IGF2BP1: variants seen among roughly 807,000 people sequenced by gnomAD.
IGF2BP1 encodes the protein insulin like growth factor 2 mRNA binding protein 1, also known as insulin-like growth factor 2 mRNA-binding protein 1.
In IGF2BP1, 11 loss-of-function variants were observed where a neutral mutation model predicts 74.9. The observed-to-expected ratio is 0.15, with a 90% CI of 0.09 to 0.24. The LOEUF (loss-of-function observed/expected upper bound fraction) is 0.24, where lower values mean the gene tolerates loss of function less well. IGF2BP1 is among the 10% of genes least tolerant of loss of function. The probability of loss-of-function intolerance (pLI) is 1.00; values close to 1 mark genes in which losing one functional copy is unlikely to be tolerated. For synonymous variants in IGF2BP1, 287 were observed against 281.8 expected, an observed-to-expected ratio of 1.02 and a Z score of -0.18; for missense variants, 440 against 757.4, an observed-to-expected ratio of 0.58 and a Z score of 4.92.
intron 2 of IGF2BP1, among the ~76,000 whole-genome samples, chr17:49,007,912 C>T (rs540805722): frequency 6.6e-6 from 1 of 152,322 alleles, no homozygotes; most frequent in South Asian, 2.1e-4. Flanking sequence ...TGGCTCACGC[C>T]TGTAATCCCA....
intron 2 of IGF2BP1, among the ~76,000 whole-genome samples, chr17:49,001,077 G>A (rs901724055): frequency 1.6e-4 from 24 of 152,086 alleles, no homozygotes; most frequent in African/African-American, 5.6e-4. Context: ...TGGTGAGAAG[G>A]CACTTCATTT....
chr17:49,041,332 A>T, intron 7 of IGF2BP1, 46 bp from the exon 8 acceptor site: 1 of 1,609,144 alleles, frequency 6.2e-7, no homozygotes, highest in Non-Finnish European at 8.5e-7. Flanking sequence ...TGAAGCCCAC[A>T]ATTGAAGGAA....
rs755608784 is a variant in IGF2BP1 at position 49,056,110 on chromosome 17, A to G, written c.*6666A>G. Reference sequence around the variant, plus strand: ...CAAACCACTTCATTTTGCTGTTTCAATTTCAAAATAAAAGGAAACTTATAT... The same window carrying G: ...CAAACCACTTCATTTTGCTGTTTCAGTTTCAAAATAAAAGGAAACTTATAT... On this transcript the variant is annotated 3_prime_UTR_variant, in exon 15 of 15. Transcript: ENST00000290341. 6.6e-6 allele frequency among the ~76,000 whole-genome samples: 1 copy of G among 152,074 alleles called. No homozygotes were observed. The highest frequency in any genetic ancestry group is 1.5e-5 in the Non-Finnish European group (1 of 68,012).
At position 49,054,422 on chromosome 17, in the gene IGF2BP1, G is replaced by A. The variant is rs2042202320; in HGVS notation, c.*4978G>A. 6.6e-6 allele frequency: 1 copy of A among 152,658 alleles called. No homozygotes were observed. Among genetic ancestry groups the A allele is most frequent in the South Asian group, 2.1e-4 (1 of 4,834 alleles). The allele number at this position is 152,658 out of a possible 1,614,324, so 9.5% of individuals were successfully genotyped here. A position where few individuals can be genotyped will look rare whatever the true frequency, so the allele number is the denominator to read the frequency against. On this transcript the variant is annotated 3_prime_UTR_variant, in exon 15 of 15. Transcript: ENST00000290341. ...TAAGGGCAGGGACTCATGCATAAGG[G>A]TATGAATCCCAGCCAGGACAAGTGA...
At chr17:49,007,585 A>G (rs2041565106) in intron 2 of IGF2BP1, among the ~76,000 whole-genome samples, 1 of 152,180 alleles carries the variant, frequency 6.6e-6, no homozygotes, top group Admixed American at 6.5e-5. Context: ...ATCATTTACT[A>G]TAAAGGGTTT....
At chr17:49,000,191 C>T (rs1277867341) in intron 2 of IGF2BP1, among the ~76,000 whole-genome samples, 1 of 152,072 alleles carries the variant, frequency 6.6e-6, no homozygotes, top group African/African-American at 2.4e-5. Context: ...TGGAAAGCAG[C>T]CCCCAGTAAA....
rs546492139 is a variant in IGF2BP1, at chr17:49,039,658, C to CTCAA, written c.684-298_684-295dup. Among the ~76,000 whole-genome samples, 10 of 152,094 alleles carry CTCAA rather than the reference C, an allele frequency of 6.6e-5. No individual in the cohort carries two copies. In the East Asian group the frequency reaches 1.7e-3, roughly 27 times the overall value. ...GCCAGGCTGGTCTCAAACTCCTGGCCTCAAGTAACCCACCCGCCTCGGCCT... is the reference window on the plus strand; with the variant it reads ...GCCAGGCTGGTCTCAAACTCCTGGCCTCAATCAAGTAACCCACCCGCCTCGGCCT... On this transcript the variant is annotated intron_variant, in intron 6 of 14. Transcript: ENST00000290341.
At chr17:49,013,030 C>T (rs2143972419) in intron 2 of IGF2BP1, 1 of 152,328 alleles carries the variant, frequency 6.6e-6, no homozygotes, top group Middle Eastern at 3.4e-3. Context: ...TTCTGATCTG[C>T]AGAACGGAAG....
chr17:49,046,782 T>C (rs2144150705), intron 14 of IGF2BP1, among the ~76,000 whole-genome samples: 1 of 152,230 alleles, frequency 6.6e-6, no homozygotes, highest in Non-Finnish European at 1.5e-5. Context: ...CCTGGATTGA[T>C]GGCATTTTTG....
At chr17:49,032,183 G>T (rs1361339461) in intron 5 of IGF2BP1, among the ~76,000 whole-genome samples, 1 of 152,138 alleles carries the variant, frequency 6.6e-6, no homozygotes, top group South Asian at 2.1e-4. Context: ...GGATCTCAAA[G>T]GCTCAGAAAC....
intron 14 of IGF2BP1, among the ~76,000 whole-genome samples, chr17:49,046,740 T>G (rs1210474920): frequency 4.6e-5 from 7 of 151,932 alleles, no homozygotes; most frequent in Non-Finnish European, 1.0e-4. Context: ...AGATTAGTTT[T>G]GTTCATGGAA....
At chr17:49,012,119 G>C (rs1388488765) in intron 2 of IGF2BP1, among the ~76,000 whole-genome samples, 1 of 152,022 alleles carries the variant, frequency 6.6e-6, no homozygotes, top group Non-Finnish European at 1.5e-5. Context: ...TGGCCAGGCT[G>C]GTCTCGAACT....
Position 49,026,536 on chromosome 17 carries a change from TG to T in IGF2BP1, c.337+23del. 6.2e-7 allele frequency: 1 copy of T among 1,612,280 alleles called. No homozygotes were observed. The highest frequency in any genetic ancestry group is 1.7e-4 in the Middle Eastern group (1 of 6,052). ...GAGCAAGGTAAGAGTGGGCCGGGTGTGGGGTGGCACTCGTGGTGGGGGTTGG... is the reference window on the plus strand; with the variant it reads ...GAGCAAGGTAAGAGTGGGCCGGGTGTGGGTGGCACTCGTGGTGGGGGTTGG... On this transcript the variant is annotated intron_variant, in intron 4 of 14. Transcript: ENST00000290341.
intron 6 of IGF2BP1, 29 bp downstream of exon 6, chr17:49,038,478 T>G (rs1426282882): frequency 6.9e-7 from 1 of 1,449,242 alleles, no homozygotes; most frequent in Non-Finnish European, 9.1e-7. Flanking sequence ...GGAATGGAGG[T>G]TGGGTGCTAG....
At chr17:48,999,601 T>C (rs2143906029) in intron 2 of IGF2BP1, among the ~76,000 whole-genome samples, 1 of 152,218 alleles carries the variant, frequency 6.6e-6, no homozygotes, top group African/African-American at 2.4e-5. Flanking sequence ...CTTAAGTGGA[T>C]TGCCCTTCTC....
chr17:49,027,344 G>A (rs950019856), intron 4 of IGF2BP1, among the ~76,000 whole-genome samples: 1 of 152,102 alleles, frequency 6.6e-6, no homozygotes, highest in African/African-American at 2.4e-5. Flanking sequence ...CTCTGCAGCC[G>A]TTTTACTTGA....
chr17:49,043,314 A>T, intron 9 of IGF2BP1, 114 bp from the exon 10 acceptor site: 1 of 1,174,870 alleles, frequency 8.5e-7, no homozygotes, highest in Non-Finnish European at 1.2e-6. Flanking sequence ...AAAGTATGTA[A>T]TTCATGTTTT....
chr17:49,031,197 T>TC (rs2041917501), intron 4 of IGF2BP1, among the ~76,000 whole-genome samples: 1 of 152,164 alleles, frequency 6.6e-6, no homozygotes, highest in Non-Finnish European at 1.5e-5. Flanking sequence ...AACCTCCGCC[T>TC]CCCAGGTTCA....
intron 5 of IGF2BP1, among the ~76,000 whole-genome samples, chr17:49,035,927 G>A (rs1251962490): frequency 6.6e-6 from 1 of 152,214 alleles, no homozygotes; most frequent in African/African-American, 2.4e-5. Flanking sequence ...GAGGGCCCGG[G>A]ACTGCACTAG....
Sources: allele counts gnomAD v4.1 joint callset (sites outside exome capture counted in the v4.1 genomes callset), GRCh38; gene constraint gnomAD v4.1.1; transcripts MANE v1.5; gene names NCBI Gene and HGNC (gene_info 2026-07-23, HGNC 2026-07-21).